The following PDE1C variants were observed in gnomAD, a reference collection of about 807,000 sequenced individuals.
PDE1C encodes dual specificity calcium/calmodulin-dependent 3',5'-cyclic nucleotide phosphodiesterase 1C.
Under a neutral mutation model 93.1 loss-of-function variants are expected in PDE1C, and 62 were observed. That is an observed-to-expected ratio of 0.67 (90% CI 0.54 to 0.82). The LOEUF is 0.82. Ranked by LOEUF, PDE1C falls within the 40% of genes least tolerant of loss-of-function variation. PDE1C has a pLI of 0.00. For synonymous variants in PDE1C, 325 were observed against 310.1 expected (o/e 1.05, Z -0.50); for missense variants, 742 against 884.6 (o/e 0.84, Z 2.04).
intron 7 of PDE1C, among the ~76,000 whole-genome samples, chr7:31,857,520 C>T (rs1463961461): frequency 2.0e-5 from 3 of 152,096 alleles, no homozygotes; most frequent in Non-Finnish European, 4.4e-5. Context: ...AAAGGTACAT[C>T]AGCCATTTTA....
chr7:32,325,991 G>A (rs1783396472), intron 1 of PDE1C, among the ~76,000 whole-genome samples: 4 of 151,998 alleles, frequency 2.6e-5, no homozygotes, highest in Admixed American at 2.6e-4. Context: ...GAAGTAGTGA[G>A]ATTCTAATTA....
chr7:32,001,049 C>G (rs977314715), intron 2 of PDE1C, among the ~76,000 whole-genome samples: 3 of 151,568 alleles, frequency 2.0e-5, no homozygotes, highest in African/African-American at 7.3e-5. Flanking sequence ...AGCAAAAACA[C>G]CAAGTGAAAA....
chr7:32,309,814 A>G (rs182337545), intron 1 of PDE1C, among the ~76,000 whole-genome samples: 3 of 152,236 alleles, frequency 2.0e-5, no homozygotes, highest in African/African-American at 4.8e-5. Context: ...TGTAAAGACC[A>G]TCAAGGCTAG....
At chr7:31,704,479 C>T in the PDE1C span, among the ~76,000 whole-genome samples, 2 of 152,224 alleles carry the variant, frequency 1.3e-5, no homozygotes, top group South Asian at 4.2e-4. Flanking sequence ...AGAGAGAGGA[C>T]GAAGGGAAGG....
the PDE1C span, chr7:31,642,297 A>G: frequency 7.4e-7 from 1 of 1,351,952 alleles, no homozygotes; most frequent in Non-Finnish European, 1.0e-6. Flanking sequence ...GCTCATCCCT[A>G]ACATCCCACT....
intron 1 of PDE1C, among the ~76,000 whole-genome samples, chr7:32,213,779 T>A (rs927896321): frequency 7.2e-5 from 11 of 152,228 alleles, no homozygotes; most frequent in Admixed American, 7.2e-4. Context: ...TATGCCATAC[T>A]GCTCACAAAA....
chr7:31,761,271 A>C (rs762782625), intron 17 of PDE1C, among the ~76,000 whole-genome samples: 9 of 152,222 alleles, frequency 5.9e-5, no homozygotes, highest in Non-Finnish European at 1.2e-4. Context: ...AAAAGAGTCA[A>C]GTCAAAATTG....
the PDE1C span, among the ~76,000 whole-genome samples, chr7:31,701,510 T>G: frequency 6.6e-6 from 1 of 152,138 alleles, no homozygotes; most frequent in African/African-American, 2.4e-5. Context: ...CAACAAAGGG[T>G]TTAGAATATT....
chr7:31,617,296 G>T, the PDE1C span, among the ~76,000 whole-genome samples: 1 of 151,532 alleles, frequency 6.6e-6, no homozygotes, highest in South Asian at 2.1e-4. Context: ...AATATAAATG[G>T]GTTTCTCAAC....
chr7:32,308,859 A>AAC (rs1813091855), intron 1 of PDE1C, among the ~76,000 whole-genome samples: 1 of 151,948 alleles, frequency 6.6e-6, no homozygotes, highest in South Asian at 2.1e-4. Flanking sequence ...CCTCCAAAGG[A>AAC]ACACAGTTCC....
At chr7:31,964,351 G>C (rs142137921) in intron 2 of PDE1C, among the ~76,000 whole-genome samples, 4 of 152,240 alleles carry the variant, frequency 2.6e-5, no homozygotes, top group Non-Finnish European at 5.9e-5. Flanking sequence ...ACGGAGCCTC[G>C]CTCACTGCTA....
At chr7:32,064,707 GAAGAT>G (rs1277427323) in intron 1 of PDE1C, among the ~76,000 whole-genome samples, 2 of 151,914 alleles carry the variant, frequency 1.3e-5, no homozygotes, top group African/African-American at 4.8e-5. Context: ...TATTTCTCTA[GAAGAT>G]ATGAAAGAAC....
chr7:32,246,447 G>A (rs1366773273), intron 1 of PDE1C, among the ~76,000 whole-genome samples: 1 of 152,134 alleles, frequency 6.6e-6, no homozygotes, highest in Non-Finnish European at 1.5e-5. Flanking sequence ...AGAAAGCCCA[G>A]AAGATCAGAC....
At chr7:31,723,627 C>T in the PDE1C span, among the ~76,000 whole-genome samples, 3 of 152,306 alleles carry the variant, frequency 2.0e-5, no homozygotes, top group African/African-American at 2.4e-5. Context: ...CCTTCCACAC[C>T]TGTTGTCCTC....
the PDE1C span, among the ~76,000 whole-genome samples, chr7:31,670,379 T>A: frequency 6.6e-6 from 1 of 152,148 alleles, no homozygotes; most frequent in African/African-American, 2.4e-5. Flanking sequence ...CATTTCTCTA[T>A]AAAATTGAGC....
intron 3 of PDE1C, among the ~76,000 whole-genome samples, chr7:32,077,605 C>T (rs1796425064): frequency 6.6e-6 from 1 of 151,446 alleles, no homozygotes; most frequent in Non-Finnish European, 1.5e-5. Flanking sequence ...GAGTTTCGCT[C>T]TTGTTGCCCA....
chr7:31,700,581 T>C, the PDE1C span, among the ~76,000 whole-genome samples: 1 of 152,170 alleles, frequency 6.6e-6, no homozygotes, highest in Non-Finnish European at 1.5e-5. Flanking sequence ...CACTAAACAA[T>C]AGTTTCTTAA....
chr7:31,910,629 T>C (rs968055625), intron 2 of PDE1C, among the ~76,000 whole-genome samples: 1 of 152,220 alleles, frequency 6.6e-6, no homozygotes, highest in African/African-American at 2.4e-5. Context: ...CACGAGCCTG[T>C]AAGTTAAGAG....
At chr7:31,658,312 TCAAAAGCAAA>T in the PDE1C span, 1 of 1,521,534 alleles carries the variant, frequency 6.6e-7, no homozygotes, top group Admixed American at 2.1e-5. Context: ...TTTTTTTTCT[TCAAAAGCAAA>T]TAACTCTGCT....
Sources: gnomAD v4.1 joint callset for allele counts (sites outside exome capture counted in the v4.1 genomes callset) on GRCh38, gnomAD v4.1.1 for gene constraint, MANE v1.5 for transcripts, NCBI Gene and HGNC (gene_info 2026-07-23, HGNC 2026-07-21) for gene names.